Variants in TSGA10 observed in about 807,000 individuals in gnomAD.
TSGA10 encodes testis specific 10.
TSGA10 carries 43 observed loss-of-function variants against 96.6 expected under a neutral mutation model. That is an observed-to-expected ratio of 0.44 (90% confidence interval 0.35 to 0.57). The LOEUF (loss-of-function observed/expected upper bound fraction) is 0.57, where lower values mean the gene tolerates loss of function less well. TSGA10 is among the 20% of genes least tolerant of loss of function. The pLI, the probability that TSGA10 is intolerant of heterozygous loss-of-function variation, is 0.01. For synonymous variants in TSGA10, 229 were observed against 269.9 expected (o/e 0.85, Z 1.48); for missense variants, 703 against 834.4 (o/e 0.84, Z 1.94).
chr2:99,138,404 T>C (rs982009162), intron 1 of TSGA10, among the ~76,000 whole-genome samples: 4 of 152,228 alleles, frequency 2.6e-5, no homozygotes, highest in Non-Finnish European at 5.9e-5. Flanking sequence ...ATTCAAGAGC[T>C]CTAGGCTTTT....
At chr2:99,081,458 G>A (rs2087489684) in intron 10 of TSGA10, 61 bp from the exon 11 acceptor site, 2 of 838,724 alleles carry the variant, frequency 2.4e-6, no homozygotes, top group Non-Finnish European at 3.6e-6. Flanking sequence ...CTTGTAGTGT[G>A]TTTAAATCTA....
chr2:99,075,747 G>A (rs1255604753), intron 12 of TSGA10, among the ~76,000 whole-genome samples: 1 of 152,046 alleles, frequency 6.6e-6, no homozygotes, highest in African/African-American at 2.4e-5. Flanking sequence ...ACTCAATATT[G>A]CTTGTGAAGG....
chr2:99,042,378 T>C (rs531533184), intron 16 of TSGA10, among the ~76,000 whole-genome samples: 1 of 152,214 alleles, frequency 6.6e-6, no homozygotes, highest in South Asian at 2.1e-4. Context: ...GAAAGCGCTG[T>C]AGACGGGACA....
rs764113313 is a variant in TSGA10, at chr2:99,065,046, G to C, written c.1297C>G (p.Gln433Glu). The C allele has an allele frequency of 6.2e-7, 1 of 1,613,862 alleles. No individual in the cohort carries two copies. The highest frequency in any genetic ancestry group is 1.1e-5 in the South Asian group (1 of 91,032). The stretch of plus-strand genomic sequence containing the variant: ...AGGGTATTGTTATCTGCCTCTGATT[G>C]ACGGGCTTTATTTTCCCAGTTTTCA... ...DAENWENKAR[Q>E]SEADNNTLKL... Residue 433 changes from glutamine to glutamate, a missense_variant, in exon 16 of 21, where the codon CAA (glutamine) becomes GAA (glutamate). Physicochemically the swap from Gln to Glu is conservative, Grantham distance 29 (BLOSUM62 2). This residue lies in a region of TSGA10 where 585 missense variants were observed against 656.8 expected (regional missense o/e 0.89). Coordinates refer to ENST00000393483, the MANE Select transcript of TSGA10 (RefSeq NM_025244.4).
chr2:99,034,762 A>G (rs2081470900), intron 17 of TSGA10, among the ~76,000 whole-genome samples: 1 of 152,086 alleles, frequency 6.6e-6, no homozygotes, highest in Admixed American at 6.5e-5. Context: ...AATTATTTGT[A>G]TGTCAATGGG....
rs2091627451 is a variant in TSGA10, at chr2:99,109,420, T to A, written c.20A>T (p.Lys7Ile). MMRSRS[K>I]SPRRPSPTAR... Reference sequence around the variant, plus strand: ...AGTTGGTGATGGGCGTCTTGGACTTTTAGACCTACTTCGCATCATCTTTCT... The same window carrying A: ...AGTTGGTGATGGGCGTCTTGGACTTATAGACCTACTTCGCATCATCTTTCT... The change falls in exon 6 of 21, where the codon AAA (lysine) becomes ATA (isoleucine). Residue 7 changes from lysine (K) to isoleucine (I), a missense_variant. Lys to Ile is a moderately radical substitution (Grantham distance 102, BLOSUM62 -3). Coordinates refer to ENST00000393483, the MANE Select transcript of TSGA10 (RefSeq NM_025244.4). 1 of 1,613,928 alleles carries A rather than the reference T, an allele frequency of 6.2e-7. No homozygotes were observed. The highest frequency in any genetic ancestry group is 8.5e-7 in the Non-Finnish European group (1 of 1,179,922).
At chr2:99,035,548 T>C (rs1184289582) in intron 16 of TSGA10, 109 bp from the exon 17 acceptor site, 1 of 641,030 alleles carries the variant, frequency 1.6e-6, no homozygotes, top group Admixed American at 3.3e-5. Context: ...TGCACTTAGA[T>C]TGTATGAAGT....
At chr2:99,150,985 T>C (rs2093688255) in intron 1 of TSGA10, 2 of 516,858 alleles carry the variant, frequency 3.9e-6, no homozygotes, top group South Asian at 7.5e-5. Flanking sequence ...TTACACTGCA[T>C]TTTTTTATGA....
At chr2:99,108,778 C>T (rs1436721254) in intron 7 of TSGA10, 55 bp downstream of exon 7, 2 of 1,308,374 alleles carry the variant, frequency 1.5e-6, no homozygotes, top group South Asian at 3.6e-5. Context: ...AGAAGAATTA[C>T]ATAACTCTAG....
At chr2:99,070,774 A>G (rs2085867290) in intron 14 of TSGA10, among the ~76,000 whole-genome samples, 2 of 152,148 alleles carry the variant, frequency 1.3e-5, no homozygotes, top group African/African-American at 4.8e-5. Flanking sequence ...AACTTTTAGA[A>G]TAGTTTTAGA....
intron 1 of TSGA10, among the ~76,000 whole-genome samples, chr2:99,130,892 T>C (rs1207909316): frequency 6.6e-6 from 1 of 152,236 alleles, no homozygotes; most frequent in East Asian, 1.9e-4. Context: ...CCTTTCCCCA[T>C]TGCTTGTTTT....
At chr2:99,008,655 C>G (rs571205337) in intron 20 of TSGA10, among the ~76,000 whole-genome samples, 1 of 152,092 alleles carries the variant, frequency 6.6e-6, no homozygotes, top group Non-Finnish European at 1.5e-5. Flanking sequence ...ACCCATTGAC[C>G]CAGCAATCCC....
chr2:99,121,968 T>G (rs867204773), intron 2 of TSGA10, among the ~76,000 whole-genome samples: 1 of 152,192 alleles, frequency 6.6e-6, no homozygotes, highest in African/African-American at 2.4e-5. Context: ...GAGATTTAAG[T>G]GGAGGGTAAC....
intron 10 of TSGA10, among the ~76,000 whole-genome samples, chr2:99,081,750 T>C (rs1322083210): frequency 1.3e-5 from 2 of 152,130 alleles, no homozygotes; most frequent in Admixed American, 1.3e-4. Flanking sequence ...AGAAACAAGA[T>C]GAGGCCATAG....
At chr2:99,152,779 A>C (rs1404769285) in intron 1 of TSGA10, among the ~76,000 whole-genome samples, 2 of 152,178 alleles carry the variant, frequency 1.3e-5, no homozygotes, top group Admixed American at 6.5e-5. Context: ...TGGAAGCGGA[A>C]AGTGAGGAAG....
chr2:99,133,955 T>C (rs921440268), intron 1 of TSGA10, among the ~76,000 whole-genome samples: 4 of 152,238 alleles, frequency 2.6e-5, no homozygotes, highest in Admixed American at 6.5e-5. Flanking sequence ...AGAGACCCAA[T>C]GTTAGTCTGA....
In TSGA10 at chr2:99,118,606, A is replaced by C; in HGVS notation, c.-411T>G. ...TATTTGCTGCCTAATGTGGAGGAACACAGCTTTCCTTCCCAGCCCACTATC... is the reference window on the plus strand; with the variant it reads ...TATTTGCTGCCTAATGTGGAGGAACCCAGCTTTCCTTCCCAGCCCACTATC... On this transcript the variant is annotated 5_prime_UTR_variant, in exon 3 of 21. Transcript: ENST00000393483. 1.0e-6 allele frequency: 1 copy of C among 984,358 alleles called. No individual in the cohort carries two copies. The highest frequency in any genetic ancestry group is 1.2e-6 in the Non-Finnish European group (1 of 829,072). The allele number at this position is 984,358 out of a possible 1,614,324, so 61.0% of individuals were successfully genotyped here. A position where few individuals can be genotyped will look rare whatever the true frequency, so the allele number is the denominator to read the frequency against.
intron 16 of TSGA10, among the ~76,000 whole-genome samples, chr2:99,041,674 A>T (rs2104219484): frequency 6.6e-6 from 1 of 152,300 alleles, no homozygotes; most frequent in Middle Eastern, 3.4e-3. Flanking sequence ...CTTATACAAA[A>T]ATCAACTCAA....
chr2:99,065,060 T>C lies in TSGA10; in HGVS notation c.1283A>G (p.Glu428Gly). ...RKANEDAENW[E>G]NKARQSEADN... ...TGCCTCTGATTGACGGGCTTTATTT[T>C]CCCAGTTTTCAGCATCTTCATTGGC... Residue 428 changes from glutamate to glycine, a missense_variant, in exon 16 of 21, where the codon GAA becomes GGA. By Grantham distance (98) the Glu-to-Gly change is moderately conservative. Around this residue, in one of 3 missense-constraint regions of TSGA10, gnomAD observed 585 missense variants for 656.8 expected, o/e 0.89. Transcript: ENST00000393483. The C allele has an allele frequency of 3.1e-6, 5 of 1,613,956 alleles. No individual in the cohort carries two copies. The highest frequency in any genetic ancestry group is 2.5e-6 in the Non-Finnish European group (3 of 1,179,908).
Sources: allele counts gnomAD v4.1 joint callset (sites outside exome capture counted in the v4.1 genomes callset), GRCh38; gene constraint gnomAD v4.1.1; regional missense constraint gnomAD v4.1.1; transcripts MANE v1.5; gene names NCBI Gene and HGNC (gene_info 2026-07-23, HGNC 2026-07-21).